Variants in F5 observed in about 807,000 individuals in gnomAD.
F5 encodes the protein coagulation factor V.
F5 carries 138 observed loss-of-function variants against 216.4 expected under a neutral mutation model. The observed-to-expected ratio is 0.64, with a 90% CI of 0.56 to 0.73. The LOEUF (loss-of-function observed/expected upper bound fraction) is 0.73, where lower values mean the gene tolerates loss of function less well. Ranked by LOEUF, F5 falls within the 30% of genes least tolerant of loss-of-function variation. The probability of loss-of-function intolerance (pLI) is 0.00; values close to 1 mark genes in which losing one functional copy is unlikely to be tolerated. For missense variants in F5, 2,403 were observed against 2,674.0 expected, an observed-to-expected ratio of 0.90 and a Z score of 2.24; for synonymous variants, 916 against 930.7, an observed-to-expected ratio of 0.98 and a Z score of 0.29.
At chr1:169,566,418 C>A (rs1231774367) in intron 3 of F5, among the ~76,000 whole-genome samples, 1 of 151,998 alleles carries the variant, frequency 6.6e-6, no homozygotes, top group Non-Finnish European at 1.5e-5. Flanking sequence ...AATGTGTGCT[C>A]ATTCTTCAGA....
In F5 at chr1:169,512,798, ACT is replaced by A. The variant is rs1397430649; in HGVS notation, c.*1513_*1514del. ...ACCCCACTGGTATGGGCAACAGGTA[ACT>A]CTGGTAGTTTCTAAAGATGCTCCCA... On this transcript the variant is annotated 3_prime_UTR_variant, in exon 25 of 25. Coordinates refer to ENST00000367797, the MANE Select transcript of F5 (RefSeq NM_000130.5). Among the ~76,000 whole-genome samples, 1 of 152,014 alleles carries A rather than the reference ACT, an allele frequency of 6.6e-6. No homozygotes were observed. The highest frequency in any genetic ancestry group is 1.5e-5 in the Non-Finnish European group (1 of 67,976).
At chr1:169,520,719 A>C in intron 21 of F5, 55 bp from the exon 22 acceptor site, 1 of 1,484,406 alleles carries the variant, frequency 6.7e-7, no homozygotes, top group South Asian at 1.2e-5. Flanking sequence ...AAGTGACTTT[A>C]TATTAAAATT....
At chr1:169,561,885 T>G (rs756049828) in intron 3 of F5, among the ~76,000 whole-genome samples, 1 of 151,924 alleles carries the variant, frequency 6.6e-6, no homozygotes, top group Non-Finnish European at 1.5e-5. Context: ...AAAACTGAAA[T>G]GATTAATCCT....
intron 1 of F5, 99 bp downstream of exon 1, chr1:169,586,130 A>T: frequency 2.9e-5 from 5 of 170,838 alleles, no homozygotes; most frequent in East Asian, 1.8e-4. Context: ...ACCTGAAGTT[A>T]AAAAAAAAAA....
intron 3 of F5, among the ~76,000 whole-genome samples, chr1:169,567,176 G>A (rs1434832394): frequency 6.6e-6 from 1 of 151,604 alleles, no homozygotes; most frequent in Non-Finnish European, 1.5e-5. Context: ...GAGTGAGAGG[G>A]TCCCTTTTAT....
At chr1:169,567,049 T>A (rs1482712883) in intron 3 of F5, among the ~76,000 whole-genome samples, 1 of 151,904 alleles carries the variant, frequency 6.6e-6, no homozygotes, top group Admixed American at 6.6e-5. Flanking sequence ...TCCTCACAGT[T>A]CTGGAGGCTG....
At position 169,572,225 on chromosome 1, in the gene F5, T is replaced by A. The variant is rs371756875; in HGVS notation, c.369A>T (p.Ser123=). 3.7e-6 allele frequency: 6 copies of A among 1,612,242 alleles called. No individual in the cohort carries two copies. The African/African-American group carries it at 8.0e-5, about 22-fold the overall frequency. Residue 123 remains serine, a synonymous_variant, in exon 3 of 25, where the codon TCA becomes TCT. Transcript: ENST00000367797. ...AAAATATTAGATTTATCTTACCTTC[T>A]GATAATTTACTGTACCTAATTCCTT... ...HPQGIRYSKL[S]EGASYLDHTF...
intron 21 of F5, among the ~76,000 whole-genome samples, chr1:169,521,381 C>G (rs1659301973): frequency 6.6e-6 from 1 of 152,166 alleles, no homozygotes; most frequent in African/African-American, 2.4e-5. Flanking sequence ...GGGGAACTTC[C>G]CTTCCCACCC....
Position 169,520,539 on chromosome 1 carries a change from C to T in F5, c.6174G>A (p.Leu2058=). 1 of 1,613,980 alleles carries T rather than the reference C, an allele frequency of 6.2e-7. No individual in the cohort carries two copies. Among genetic ancestry groups the T allele is most frequent in the Non-Finnish European group, 8.5e-7 (1 of 1,179,936 alleles). The stretch of plus-strand genomic sequence containing the variant: ...CCTTACCATTTACCTCACAACCTTG[C>T]AGTTCCAATCGAAGGGTAGGTCTGT... ...AYNRPTLRLE[L]QGCEVNGCST... Residue 2058 remains leucine, a synonymous_variant, in exon 22 of 25, where the codon CTG becomes CTA. Transcript: ENST00000367797.
intron 5 of F5, among the ~76,000 whole-genome samples, chr1:169,558,743 G>T (rs538804109): frequency 5.9e-5 from 9 of 152,040 alleles, no homozygotes; most frequent in African/African-American, 1.7e-4. Flanking sequence ...TGAAATGCTG[G>T]TTTTTTTTGT....
At position 169,514,337 on chromosome 1, in the gene F5, T is replaced by A. The variant is rs561026191; in HGVS notation, c.6651A>T (p.Glu2217Asp). Residue 2217 changes from glutamate to aspartate, a missense_variant, in exon 25 of 25, where the codon GAA becomes GAT. Around this residue, in one of 4 missense-constraint regions of F5, gnomAD observed 659 missense variants for 787.9 expected, o/e 0.84. Coordinates refer to ENST00000367797, the MANE Select transcript of F5 (RefSeq NM_000130.5). Reference protein sequence around the residue: ...TWNQSIALRLELFGCDIY With the variant: ...TWNQSIALRLDLFGCDIY ...TCTAGTAAATATCACAGCCAAAGAG[T>A]TCCAGGCGAAGTGCAATACTTTGAT... 4.3e-6 allele frequency: 7 copies of A among 1,612,720 alleles called. No individual in the cohort carries two copies. The highest frequency in any genetic ancestry group is 5.9e-6 in the Non-Finnish European group (7 of 1,179,434).
intron 19 of F5, among the ~76,000 whole-genome samples, chr1:169,524,557 C>A (rs1305641231): frequency 3.9e-5 from 6 of 152,098 alleles, no homozygotes; most frequent in Non-Finnish European, 7.4e-5. Context: ...ATCAATGACC[C>A]CCAGCTATCG....
In F5 at chr1:169,516,388, T is replaced by C. The variant is rs9332668; in HGVS notation, c.6346-762A>G. On this transcript the variant is annotated intron_variant, in intron 23 of 24. Coordinates refer to ENST00000367797, the MANE Select transcript of F5 (RefSeq NM_000130.5). ...ATTTTTACCTTTGGGAGATTTATCG[T>C]CTACCATAACCTCATTCAATTCTAA... Among the ~76,000 whole-genome samples the C allele has an allele frequency of 7.7e-3, 1,166 of 152,310 alleles. 13 individuals are homozygous for C. Among genetic ancestry groups the C allele is most frequent in the Middle Eastern group, 0.041 (12 of 294 alleles).
At chr1:169,543,434 G>A (rs1659919932) in intron 12 of F5, among the ~76,000 whole-genome samples, 3 of 150,988 alleles carry the variant, frequency 2.0e-5, no homozygotes. Context: ...GAGATTAGAG[G>A]GGAAAAAAGG....
intron 6 of F5, 97 bp from the exon 7 acceptor site, chr1:169,555,444 TTAATA>T: frequency 7.8e-7 from 1 of 1,277,170 alleles, no homozygotes; most frequent in Non-Finnish European, 1.1e-6. Context: ...AAGGTTTATA[TTAATA>T]TAATAAGAGT....
At chr1:169,524,000 AG>A (rs893963202) in intron 19 of F5, 96 bp from the exon 20 acceptor site, 34 of 1,036,238 alleles carry the variant, frequency 3.3e-5, no homozygotes, top group African/African-American at 4.7e-5. Context: ...AGATCCTTGG[AG>A]GACCTGTGTT....
chr1:169,517,813 G>A lies in F5; in HGVS notation c.6345+599C>T, dbSNP rs548774653. ...ACAAAGCTCTTAAAATAAGGAGGGC[G>A]GGGAAGAGAACAAAAAAGTTTAGAT... On this transcript the variant is annotated intron_variant, in intron 23 of 24. Transcript: ENST00000367797. Among the ~76,000 whole-genome samples the A allele has an allele frequency of 1.0e-3, 159 of 152,034 alleles. 1 individual carries two copies. The South Asian group carries it at 0.025, about 24-fold the overall frequency.
chr1:169,519,180 C>T (rs1008650739), intron 22 of F5, among the ~76,000 whole-genome samples: 11 of 152,084 alleles, frequency 7.2e-5, no homozygotes, highest in Admixed American at 2.6e-4. Context: ...ATCTCTGTGA[C>T]ACTTTGTTCT....
intron 2 of F5, among the ~76,000 whole-genome samples, chr1:169,577,351 T>C (rs1248973401): frequency 6.6e-6 from 1 of 151,732 alleles, no homozygotes; most frequent in Non-Finnish European, 1.5e-5. Flanking sequence ...ATATGCAGAC[T>C]CAAAACTAGC....
Sources: gnomAD v4.1 joint callset for allele counts (sites outside exome capture counted in the v4.1 genomes callset) on GRCh38, gnomAD v4.1.1 for gene constraint, gnomAD v4.1.1 regional missense constraint, MANE v1.5 for transcripts, NCBI Gene and HGNC (gene_info 2026-07-23, HGNC 2026-07-21) for gene names.